WDR70: variants seen among roughly 807,000 people sequenced by gnomAD.
WDR70 encodes the protein WD repeat-containing protein 70.
A neutral mutation model predicts 88.6 loss-of-function variants in WDR70; 53 were observed. The observed-to-expected ratio is 0.60, with a 90% CI of 0.48 to 0.75. The LOEUF is 0.75. Among genes scored for constraint, WDR70 ranks in the 30% least tolerant of loss-of-function variants. WDR70 has a pLI of 0.00. For synonymous variants in WDR70, 280 were observed against 270.0 expected, an observed-to-expected ratio of 1.04 and a Z score of -0.36; for missense variants, 610 against 823.2, an observed-to-expected ratio of 0.74 and a Z score of 3.17.
At chr5:37,442,580 C>T (rs1425220566) in intron 6 of WDR70, among the ~76,000 whole-genome samples, 4 of 152,210 alleles carry the variant, frequency 2.6e-5, no homozygotes, top group African/African-American at 9.6e-5. Flanking sequence ...GCCTTGGCCT[C>T]CCGAAGTGCT....
At chr5:37,624,254 C>A (rs1744601748) in intron 10 of WDR70, among the ~76,000 whole-genome samples, 1 of 152,102 alleles carries the variant, frequency 6.6e-6, no homozygotes, top group Non-Finnish European at 1.5e-5. Flanking sequence ...CTTTTTACTT[C>A]TATGAGATCA....
intron 9 of WDR70, among the ~76,000 whole-genome samples, chr5:37,599,503 A>G (rs988250144): frequency 6.6e-6 from 1 of 152,250 alleles, no homozygotes; most frequent in African/African-American, 2.4e-5. Context: ...TTTATGGCCA[A>G]TTGATTTTCC....
At chr5:37,672,841 C>G (rs1746070253) in intron 10 of WDR70, among the ~76,000 whole-genome samples, 1 of 152,050 alleles carries the variant, frequency 6.6e-6, no homozygotes, top group African/African-American at 2.4e-5. Context: ...GTCTCTCGTC[C>G]CACCTGATGG....
chr5:37,570,466 T>G (rs1374333400), intron 9 of WDR70, among the ~76,000 whole-genome samples: 6 of 152,116 alleles, frequency 3.9e-5, no homozygotes, highest in Admixed American at 1.3e-4. Context: ...GTCATAAGTA[T>G]TTGATAATTG....
chr5:37,650,809 C>T (rs1370222759), intron 10 of WDR70, among the ~76,000 whole-genome samples: 5 of 152,052 alleles, frequency 3.3e-5, no homozygotes, highest in South Asian at 2.1e-4. Flanking sequence ...ACATACTCTC[C>T]GTCCTGTGCT....
chr5:37,538,004 T>C (rs76859538), intron 9 of WDR70, among the ~76,000 whole-genome samples: 25,415 of 152,156 alleles, frequency 0.17, 2,241 homozygotes, highest in South Asian at 0.27. Flanking sequence ...TAGAGAATCT[T>C]ATATATCAGA....
chr5:37,395,851 A>G (rs917719469), intron 4 of WDR70, among the ~76,000 whole-genome samples: 15 of 152,152 alleles, frequency 9.9e-5, no homozygotes, highest in Non-Finnish European at 2.2e-4. Context: ...TTCAGGCTGG[A>G]GTAGAGTGAC....
intron 7 of WDR70, chr5:37,479,391 CAG>C (rs1739586881): frequency 2.1e-5 from 3 of 141,106 alleles, no homozygotes; most frequent in South Asian, 4.9e-4. Flanking sequence ...TTTCTGGTGA[CAG>C]AGTTTTGCTC....
chr5:37,697,868 C>T, intron 11 of WDR70, 114 bp downstream of exon 11: 1 of 726,984 alleles, frequency 1.4e-6, no homozygotes, highest in Non-Finnish European at 2.2e-6. Flanking sequence ...TTTGTTAATG[C>T]ACCTTTGCCA....
intron 9 of WDR70, among the ~76,000 whole-genome samples, chr5:37,572,303 A>G (rs1742927800): frequency 6.6e-6 from 1 of 152,000 alleles, no homozygotes; most frequent in Non-Finnish European, 1.5e-5. Flanking sequence ...AAGCCTTGGT[A>G]TACCACCAAG....
intron 9 of WDR70, among the ~76,000 whole-genome samples, chr5:37,563,622 C>T (rs1742621437): frequency 1.4e-5 from 1 of 73,958 alleles, no homozygotes; most frequent in African/African-American, 3.4e-5. Context: ...CCCCCCACCT[C>T]CCCCCGGATG....
intron 5 of WDR70, among the ~76,000 whole-genome samples, chr5:37,433,124 G>A (rs1289111547): frequency 1.3e-5 from 2 of 151,962 alleles, no homozygotes; most frequent in Non-Finnish European, 2.9e-5. Context: ...ACAGTGGCAC[G>A]ATCTTGGCTC....
chr5:37,652,719 A>G (rs914079628), intron 10 of WDR70, among the ~76,000 whole-genome samples: 1 of 152,120 alleles, frequency 6.6e-6, no homozygotes, highest in South Asian at 2.1e-4. Flanking sequence ...ATGGGAGTTC[A>G]CTCATGATTT....
intron 10 of WDR70, among the ~76,000 whole-genome samples, chr5:37,674,174 A>G (rs1314728870): frequency 6.6e-6 from 1 of 151,930 alleles, no homozygotes; most frequent in Non-Finnish European, 1.5e-5. Context: ...TCTTCCTGTA[A>G]GTCTTCGAGG....
chr5:37,415,652 G>A (rs1461238161), intron 5 of WDR70, among the ~76,000 whole-genome samples: 6 of 149,276 alleles, frequency 4.0e-5, no homozygotes, highest in African/African-American at 1.0e-4. Flanking sequence ...GCGGCTGGCC[G>A]GGCGGGGGGC....
intron 9 of WDR70, among the ~76,000 whole-genome samples, chr5:37,534,231 C>T (rs1353126575): frequency 1.3e-5 from 2 of 152,170 alleles, no homozygotes; most frequent in Non-Finnish European, 2.9e-5. Flanking sequence ...GAGCTGCAAG[C>T]TAGTCCTGCC....
intron 8 of WDR70, among the ~76,000 whole-genome samples, chr5:37,487,746 C>T (rs1298675961): frequency 6.6e-6 from 1 of 151,162 alleles, no homozygotes; most frequent in Non-Finnish European, 1.5e-5. Flanking sequence ...CTGCCTCAGC[C>T]TCCCGAGTAG....
chr5:37,483,120 T>A (rs1199908961), intron 8 of WDR70, among the ~76,000 whole-genome samples: 1 of 139,684 alleles, frequency 7.2e-6, no homozygotes, highest in Non-Finnish European at 1.6e-5. Flanking sequence ...TTTTTTTTTT[T>A]AATTGATCAT....
At chr5:37,546,962 T>C (rs531144192) in intron 9 of WDR70, among the ~76,000 whole-genome samples, 2 of 152,174 alleles carry the variant, frequency 1.3e-5, no homozygotes, top group South Asian at 4.2e-4. Flanking sequence ...AAGAAGAATG[T>C]AGAAGTCTCC....
Sources: gnomAD v4.1 joint callset for allele counts (sites outside exome capture counted in the v4.1 genomes callset) on GRCh38, gnomAD v4.1.1 for gene constraint, MANE v1.5 for transcripts, NCBI Gene and HGNC (gene_info 2026-07-23, HGNC 2026-07-21) for gene names.